Variants in TMC1 observed in about 807,000 individuals in gnomAD.
TMC1 encodes transmembrane channel like 1.
TMC1 carries 84 observed loss-of-function variants against 105.8 expected under a neutral mutation model. The observed-to-expected ratio is 0.79, with a 90% CI of 0.67 to 0.95. The LOEUF is 0.95. Among genes scored for constraint, TMC1 ranks in the 40% least tolerant of loss-of-function variants. The pLI is 0.00. For missense variants in TMC1, 817 were observed against 914.1 expected (o/e 0.89, Z 1.37); for synonymous variants, 315 against 311.5 (o/e 1.01, Z -0.12).
chr9:72,764,788 G>A (rs1827805703), intron 12 of TMC1, among the ~76,000 whole-genome samples: 1 of 152,126 alleles, frequency 6.6e-6, no homozygotes, highest in South Asian at 2.1e-4. Context: ...ATAAATTGAA[G>A]TCAGATGTTG....
At chr9:72,745,767 G>T (rs1304522943) in intron 10 of TMC1, among the ~76,000 whole-genome samples, 1 of 152,244 alleles carries the variant, frequency 6.6e-6, no homozygotes, top group East Asian at 1.9e-4. Context: ...AATAGGACAT[G>T]CAATGGATTT....
chr9:72,833,496 C>T (rs1430116864), intron 23 of TMC1, among the ~76,000 whole-genome samples: 2 of 152,152 alleles, frequency 1.3e-5, no homozygotes, highest in African/African-American at 2.4e-5. Flanking sequence ...CATTTTTCTT[C>T]ACTGTCATTC....
At chr9:72,702,686 A>G (rs1365952194) in intron 8 of TMC1, among the ~76,000 whole-genome samples, 3 of 152,140 alleles carry the variant, frequency 2.0e-5, no homozygotes, top group Admixed American at 6.5e-5. Flanking sequence ...ATGGTGACAC[A>G]TTGGTACCAG....
intron 4 of TMC1, among the ~76,000 whole-genome samples, chr9:72,634,608 C>T (rs971910007): frequency 1.3e-5 from 2 of 152,102 alleles, no homozygotes; most frequent in African/African-American, 2.4e-5. Context: ...AGAAAGATGT[C>T]AGATTTCTCT....
Position 72,555,644 on chromosome 9 carries a change from G to A in TMC1, c.-427-22258G>A, listed in dbSNP as rs139258608. On this transcript the variant is annotated intron_variant, in intron 1 of 23. Transcript: ENST00000297784. ...GGACTTAACTCTTTTTTTTTGAGAC[G>A]GAGTCTTGCTCTGTCACCCATGCTG... 5.4e-4 allele frequency among the ~76,000 whole-genome samples: 82 copies of A among 150,852 alleles called. 1 individual carries two copies. The highest frequency in any genetic ancestry group is 1.7e-3 in the African/African-American group (71 of 41,096).
intron 2 of TMC1, among the ~76,000 whole-genome samples, chr9:72,606,140 C>T (rs1587984587): frequency 6.6e-6 from 1 of 152,134 alleles, no homozygotes; most frequent in Non-Finnish European, 1.5e-5. Flanking sequence ...GCTGCAATCT[C>T]ATCTGATGGA....
rs1351621774 is a variant in TMC1 at position 72,701,357 on chromosome 9, A to C, written c.362+714A>C. Among the ~76,000 whole-genome samples the C allele has an allele frequency of 5.9e-5, 9 of 152,160 alleles. 1 individual carries two copies. Among genetic ancestry groups the C allele is most frequent in the Non-Finnish European group, 1.5e-5 (1 of 68,030 alleles). ...AACTCTTCATATGAAAAGTCAAATG[A>C]TTATCCTATTCTGGGGGATGGGAAG... On this transcript the variant is annotated intron_variant, in intron 8 of 23. Coordinates refer to ENST00000297784, the MANE Select transcript of TMC1 (RefSeq NM_138691.3).
At chr9:72,638,012 C>T (rs1825563180) in intron 4 of TMC1, among the ~76,000 whole-genome samples, 3 of 151,866 alleles carry the variant, frequency 2.0e-5, no homozygotes, top group Non-Finnish European at 4.4e-5. Context: ...CTGCTGAAGC[C>T]GTGTAGATCT....
At chr9:72,636,717 A>G (rs1213796161) in intron 4 of TMC1, among the ~76,000 whole-genome samples, 2 of 151,582 alleles carry the variant, frequency 1.3e-5, no homozygotes, top group Non-Finnish European at 2.9e-5. Flanking sequence ...CAAAAAAAAA[A>G]AAAAAAAGGA....
chr9:72,722,771 T>G (rs1827049832), intron 8 of TMC1, among the ~76,000 whole-genome samples: 1 of 152,144 alleles, frequency 6.6e-6, no homozygotes, highest in Admixed American at 6.6e-5. Context: ...AATAGGTGAG[T>G]GAAGGACAGA....
chr9:72,589,918 T>C (rs1824608612), intron 2 of TMC1, among the ~76,000 whole-genome samples: 1 of 152,208 alleles, frequency 6.6e-6, no homozygotes. Flanking sequence ...CTGGTGCAAG[T>C]TGAGGGACCC....
intron 5 of TMC1, among the ~76,000 whole-genome samples, chr9:72,655,372 T>A (rs2132156035): frequency 6.6e-6 from 1 of 152,304 alleles, no homozygotes; most frequent in South Asian, 2.1e-4. Flanking sequence ...TGCTAGTCCC[T>A]TTTTTCCCTT....
intron 1 of TMC1, among the ~76,000 whole-genome samples, chr9:72,525,394 T>G (rs891091925): frequency 6.6e-6 from 1 of 152,190 alleles, no homozygotes; most frequent in African/African-American, 2.4e-5. Context: ...AGATACTACA[T>G]TACCTCAGGG....
intron 12 of TMC1, among the ~76,000 whole-genome samples, chr9:72,758,564 G>T (rs955451250): frequency 4.6e-5 from 7 of 152,294 alleles, no homozygotes; most frequent in Middle Eastern, 3.4e-3. Context: ...AGCACAGATT[G>T]TCTTGAGTAT....
chr9:72,530,986 AATTATTATT>A (rs557992471), intron 1 of TMC1, among the ~76,000 whole-genome samples: 1 of 150,458 alleles, frequency 6.6e-6, no homozygotes, highest in Admixed American at 6.6e-5. Flanking sequence ...ACGCCCAGCT[AATTATTATT>A]ATTATTATTA....
chr9:72,735,646 T>G (rs1023107892), intron 8 of TMC1, among the ~76,000 whole-genome samples: 9 of 152,214 alleles, frequency 5.9e-5, no homozygotes, highest in African/African-American at 2.2e-4. Context: ...TACTAGTTTT[T>G]TTCCATCCTG....
At position 72,783,332 on chromosome 9, in the gene TMC1, C is replaced by A. The variant is rs114053820; in HGVS notation, c.885-5007C>A. Among the ~76,000 whole-genome samples the A allele has an allele frequency of 8.8e-3, 1,345 of 152,228 alleles. 18 individuals are homozygous for A. The highest frequency in any genetic ancestry group is 0.031 in the African/African-American group (1,280 of 41,516). ...GTAGCCTTCAATCTGTGGCTGAAGG[C>A]CTGAGAGCCCCTGGCAAACCACTGG... is the stretch of plus-strand genomic sequence containing the variant. On this transcript the variant is annotated intron_variant, in intron 13 of 23. Transcript: ENST00000297784.
intron 13 of TMC1, among the ~76,000 whole-genome samples, chr9:72,782,424 A>C (rs113020185): frequency 5.9e-5 from 9 of 152,170 alleles, no homozygotes. Context: ...CACCCTCACT[A>C]TTCTTATTCA....
chr9:72,619,832 AATTTATTT>A (rs199564426), intron 3 of TMC1, among the ~76,000 whole-genome samples: 1 of 138,586 alleles, frequency 7.2e-6, no homozygotes, highest in African/African-American at 2.6e-5. Context: ...TTAATTAATT[AATTTATTT>A]ATTTATTTAC....
Sources: gnomAD v4.1 joint callset for allele counts (sites outside exome capture counted in the v4.1 genomes callset) on GRCh38, gnomAD v4.1.1 for gene constraint, MANE v1.5 for transcripts, NCBI Gene and HGNC (gene_info 2026-07-23, HGNC 2026-07-21) for gene names.